Variants in CLPB observed in about 807,000 individuals in gnomAD.
The protein encoded by CLPB is mitochondrial disaggregase.
A neutral mutation model predicts 78.4 loss-of-function variants in CLPB; 40 were observed. The observed-to-expected ratio is 0.51, with a 90% CI of 0.40 to 0.66. The LOEUF (loss-of-function observed/expected upper bound fraction) is 0.66, where lower values mean the gene tolerates loss of function less well. Among genes scored for constraint, CLPB ranks in the 30% least tolerant of loss-of-function variants. The pLI, the probability that CLPB is intolerant of heterozygous loss-of-function variation, is 0.00. For missense variants in CLPB, 780 were observed against 886.9 expected, an observed-to-expected ratio of 0.88 and a Z score of 1.53; for synonymous variants, 333 against 348.0, an observed-to-expected ratio of 0.96 and a Z score of 0.48.
intron 5 of CLPB, among the ~76,000 whole-genome samples, chr11:72,353,374 G>C (rs1365996224): frequency 6.6e-6 from 1 of 152,182 alleles, no homozygotes; most frequent in African/African-American, 2.4e-5. Context: ...GACTGAAAAG[G>C]AAGTGGCATT....
chr11:72,433,875 T>C (rs761706007), intron 1 of CLPB, among the ~76,000 whole-genome samples, 197 bp downstream of exon 1: 13 of 152,134 alleles, frequency 8.5e-5, no homozygotes, highest in Non-Finnish European at 1.3e-4. Context: ...AGCGGATCTA[T>C]GGTACGAGAT....
intron 2 of CLPB, among the ~76,000 whole-genome samples, chr11:72,403,434 T>C (rs996174817): frequency 6.6e-6 from 1 of 152,210 alleles, no homozygotes; most frequent in East Asian, 1.9e-4. Context: ...CCCGGCTCCT[T>C]TGCCTATTTG....
At chr11:72,380,629 G>A (rs574973944) in intron 3 of CLPB, among the ~76,000 whole-genome samples, 18 of 152,168 alleles carry the variant, frequency 1.2e-4, no homozygotes, top group African/African-American at 4.1e-4. Context: ...ACTTGAGTCC[G>A]GGAGTTCAAG....
Position 72,430,332 on chromosome 11 carries a change from G to T in CLPB, c.435C>A (p.Asn145Lys). 6.2e-7 allele frequency: 1 copy of T among 1,613,380 alleles called. No individual in the cohort carries two copies. The highest frequency in any genetic ancestry group is 8.5e-7 in the Non-Finnish European group (1 of 1,179,884). The change falls in exon 2 of 16, where the codon AAC becomes AAA. Residue 145 changes from asparagine (N) to lysine (K), a missense_variant. Physicochemically the swap from Asn to Lys is moderately conservative, Grantham distance 94. This residue lies in a region of CLPB where 417 missense variants were observed against 414.7 expected (regional missense o/e 1.01). Coordinates refer to ENST00000538039, the MANE Select transcript of CLPB (RefSeq NM_001258392.3). Reference protein sequence around the residue: ...DAALLEAARANNMQEVSRLLS... With the variant: ...DAALLEAARAKNMQEVSRLLS... ...CTCACCTGCTGACTTCTTGCATATT[G>T]TTGGCACGGGCAGCTTCCAACAGGG... is the stretch of plus-strand genomic sequence containing the variant.
In CLPB at chr11:72,294,080, G is replaced by C. The variant is rs765234416; in HGVS notation, c.1727C>G (p.Ala576Gly). The C allele has an allele frequency of 4.0e-5, 65 of 1,614,048 alleles. No individual in the cohort carries two copies. Among genetic ancestry groups the C allele is most frequent in the Non-Finnish European group, 4.7e-5 (56 of 1,180,026 alleles). ...ATTGTAGCCGTCGACCAGCACATCT[G>C]CCACCTCGCGGTCCCAGAGCAGCGT... ...NITLLWDREV[A>G]DVLVDGYNVH... Residue 576 changes from alanine to glycine, a missense_variant, in exon 15 of 16, where the codon GCA becomes GGA. Physicochemically the swap from Ala to Gly is moderately conservative, Grantham distance 60 (BLOSUM62 0). Coordinates refer to ENST00000538039, the MANE Select transcript of CLPB (RefSeq NM_001258392.3).
At position 72,286,800 on chromosome 11, in the gene CLPB, C is replaced by CGTGTGTGTGTGT. The variant is rs61499104; in HGVS notation, c.*6555_*6566dup. 4.0e-5 allele frequency: 6 copies of CGTGTGTGTGTGT among 148,218 alleles called. No homozygotes were observed. Among genetic ancestry groups the CGTGTGTGTGTGT allele is most frequent in the East Asian group, 2.0e-4 (1 of 5,042 alleles). The allele number at this position is 148,218 out of a possible 1,614,324, so 9.2% of individuals were successfully genotyped here. On this transcript the variant is annotated 3_prime_UTR_variant, in exon 16 of 16. Transcript: ENST00000538039. ...CACCTTACTTTTTGCTTTATCATTC[C>CGTGTGTGTGTGT]GTGTGTGTGTGTGTGTGTGTGTGTG...
intron 2 of CLPB, among the ~76,000 whole-genome samples, chr11:72,414,369 C>T (rs566414289): frequency 3.0e-4 from 46 of 152,174 alleles, no homozygotes; most frequent in Non-Finnish European, 4.9e-4. Flanking sequence ...CCACAGCAGG[C>T]CTCCTGGCTG....
chr11:72,295,783 TTCCTCCTC>T, intron 11 of CLPB, 135 bp from the exon 12 acceptor site: 2 of 828,570 alleles, frequency 2.4e-6, no homozygotes, highest in Non-Finnish European at 3.8e-6. Flanking sequence ...AGCCAGCTGC[TTCCTCCTC>T]TGGGTTCTCC....
intron 5 of CLPB, among the ~76,000 whole-genome samples, chr11:72,334,186 T>C (rs1338126195): frequency 6.6e-6 from 1 of 152,160 alleles, no homozygotes; most frequent in Non-Finnish European, 1.5e-5. Context: ...GCCATAAACA[T>C]TGGCCACTGA....
chr11:72,321,660 G>A (rs2135535702), intron 6 of CLPB, among the ~76,000 whole-genome samples: 1 of 152,316 alleles, frequency 6.6e-6, no homozygotes, highest in African/African-American at 2.4e-5. Flanking sequence ...CAGTGAATCT[G>A]CCAGTGTGTT....
intron 2 of CLPB, among the ~76,000 whole-genome samples, chr11:72,425,603 A>C (rs531303193): frequency 1.2e-4 from 18 of 152,174 alleles, no homozygotes; most frequent in Non-Finnish European, 2.5e-4. Flanking sequence ...CACAAAGCAC[A>C]GGCTGGACAG....
intron 9 of CLPB, chr11:72,304,004 G>C (rs1040024272): frequency 1.3e-5 from 2 of 152,230 alleles, no homozygotes; most frequent in Admixed American, 6.5e-5. Context: ...TCTTCACCTT[G>C]AAGGGTGCTG....
chr11:72,391,655 A>G (rs1855257306), intron 3 of CLPB, among the ~76,000 whole-genome samples: 1 of 152,218 alleles, frequency 6.6e-6, no homozygotes, highest in South Asian at 2.1e-4. Context: ...GAAGGTCCCA[A>G]CTAGGCTGCG....
chr11:72,361,399 T>C (rs1950835988), intron 4 of CLPB, among the ~76,000 whole-genome samples: 1 of 152,212 alleles, frequency 6.6e-6, no homozygotes, highest in Non-Finnish European at 1.5e-5. Flanking sequence ...GAGAGCCGTT[T>C]AGGACCTCAA....
chr11:72,413,779 A>T (rs1855945185), intron 2 of CLPB, among the ~76,000 whole-genome samples: 1 of 152,210 alleles, frequency 6.6e-6, no homozygotes, highest in South Asian at 2.1e-4. Context: ...GTTTGTTTGT[A>T]GAATACCCTT....
chr11:72,294,480 G>A, intron 13 of CLPB, 36 bp from the exon 14 acceptor site: 1 of 1,613,432 alleles, frequency 6.2e-7, no homozygotes, highest in Non-Finnish European at 8.5e-7. Flanking sequence ...TGAGCTCAGT[G>A]ACCCAGAGCG....
chr11:72,293,939 G>A lies in CLPB; in HGVS notation c.1785+83C>T, dbSNP rs1412700151. ...CCAGCAACCAAGCTATAGGGAGGCAGGCTGAGAGCTCAGGGACTGGGTCTG... is the reference window on the plus strand; with the variant it reads ...CCAGCAACCAAGCTATAGGGAGGCAAGCTGAGAGCTCAGGGACTGGGTCTG... On this transcript the variant is annotated intron_variant, in intron 15 of 15. Transcript: ENST00000538039. The A allele has an allele frequency of 1.2e-5, 15 of 1,211,406 alleles. No individual in the cohort carries two copies. In the South Asian group the frequency reaches 1.3e-4, roughly 10 times the overall value. 75.0% of individuals were successfully genotyped at this position (1,211,406 alleles called of 1,614,324 possible).
intron 11 of CLPB, among the ~76,000 whole-genome samples, chr11:72,296,233 C>T (rs926534781): frequency 1.3e-5 from 2 of 152,174 alleles, no homozygotes; most frequent in African/African-American, 2.4e-5. Flanking sequence ...TTCAAATGTT[C>T]AGAGCTATTA....
At chr11:72,314,687 G>T (rs990446593) in intron 7 of CLPB, among the ~76,000 whole-genome samples, 17 of 151,892 alleles carry the variant, frequency 1.1e-4, no homozygotes, top group African/African-American at 3.9e-4. Flanking sequence ...AATTGCTCCT[G>T]AACTGAGTTA....
Sources: allele counts gnomAD v4.1 joint callset (sites outside exome capture counted in the v4.1 genomes callset), GRCh38; gene constraint gnomAD v4.1.1; regional missense constraint gnomAD v4.1.1; transcripts MANE v1.5; gene names NCBI Gene and HGNC (gene_info 2026-07-23, HGNC 2026-07-21).